The following LHFPL3 variants were observed in gnomAD, a reference collection of about 807,000 sequenced individuals.
LHFPL3 encodes the protein LHFPL tetraspan subfamily member 3 protein.
LHFPL3 carries 5 observed loss-of-function variants against 19.3 expected under a neutral mutation model. That is an observed-to-expected ratio of 0.26 (90% CI 0.14 to 0.54). LHFPL3 has a LOEUF of 0.54. Among genes scored for constraint, LHFPL3 ranks in the 20% least tolerant of loss-of-function variants. The pLI is 0.94. For missense variants in LHFPL3, 249 were observed against 307.4 expected, an observed-to-expected ratio of 0.81 and a Z score of 1.42; for synonymous variants, 133 against 126.2, an observed-to-expected ratio of 1.05 and a Z score of -0.36.
intron 1 of LHFPL3, among the ~76,000 whole-genome samples, chr7:104,644,160 A>G (rs1791886753): frequency 6.6e-6 from 1 of 152,238 alleles, no homozygotes; most frequent in Non-Finnish European, 1.5e-5. Flanking sequence ...TTACCAGACA[A>G]ATATTTCACT....
chr7:104,548,446 CAA>C (rs1275041874), intron 1 of LHFPL3, among the ~76,000 whole-genome samples: 1 of 152,064 alleles, frequency 6.6e-6, no homozygotes, highest in African/African-American at 2.4e-5. Context: ...AGATGATTTA[CAA>C]AGTTTATTTG....
At chr7:104,367,631 TA>T (rs1399174985) in intron 1 of LHFPL3, among the ~76,000 whole-genome samples, 1 of 152,192 alleles carries the variant, frequency 6.6e-6, no homozygotes, top group Admixed American at 6.5e-5. Flanking sequence ...AATATCAGCA[TA>T]GGGGGTATAT....
At chr7:104,734,392 A>G (rs2116293201) in intron 1 of LHFPL3, among the ~76,000 whole-genome samples, 1 of 152,298 alleles carries the variant, frequency 6.6e-6, no homozygotes, top group African/African-American at 2.4e-5. Flanking sequence ...ACATAGTCCC[A>G]TATTTCTTGG....
intron 1 of LHFPL3, among the ~76,000 whole-genome samples, chr7:104,503,266 T>TC (rs1793635743): frequency 2.0e-5 from 3 of 152,274 alleles, no homozygotes; most frequent in African/African-American, 7.2e-5. Flanking sequence ...AACAATGCTA[T>TC]CCCATTTTGG....
At chr7:104,473,536 T>C (rs908543801) in intron 1 of LHFPL3, among the ~76,000 whole-genome samples, 20 of 152,240 alleles carry the variant, frequency 1.3e-4, no homozygotes, top group African/African-American at 4.8e-4. Flanking sequence ...ACTTTGTGCC[T>C]ATCTATCCAT....
intron 2 of LHFPL3, among the ~76,000 whole-genome samples, chr7:104,739,226 T>C (rs1793886492): frequency 6.6e-6 from 1 of 152,206 alleles, no homozygotes; most frequent in Non-Finnish European, 1.5e-5. Context: ...TCCTGGGAAA[T>C]GGTACAAGAT....
chr7:104,542,951 A>C (rs1584391062), intron 1 of LHFPL3, among the ~76,000 whole-genome samples: 1 of 152,248 alleles, frequency 6.6e-6, no homozygotes, highest in South Asian at 2.1e-4. Context: ...GCACATATAC[A>C]CCATGGAATA....
chr7:104,667,843 C>T (rs1358098396), intron 1 of LHFPL3: 2 of 1,611,310 alleles, frequency 1.2e-6, no homozygotes, highest in African/African-American at 2.7e-5. Context: ...GGAGGAAGCA[C>T]CTATGTTTCC....
intron 1 of LHFPL3, among the ~76,000 whole-genome samples, chr7:104,532,228 T>A (rs773389669): frequency 2.0e-4 from 31 of 151,234 alleles, no homozygotes; most frequent in Non-Finnish European, 1.5e-4. Context: ...GCCATCCTCC[T>A]GCCTCAGCCT....
chr7:104,485,083 A>T (rs946956613), intron 1 of LHFPL3, among the ~76,000 whole-genome samples: 2 of 152,174 alleles, frequency 1.3e-5, no homozygotes, highest in Non-Finnish European at 2.9e-5. Context: ...TATATTGTTC[A>T]TATAGTTTTT....
intron 1 of LHFPL3, among the ~76,000 whole-genome samples, chr7:104,434,630 G>C (rs187006626): frequency 1.0e-3 from 153 of 152,204 alleles, no homozygotes; most frequent in South Asian, 1.7e-3. Flanking sequence ...ATTTTTTATT[G>C]AACTTGTAGA....
chr7:104,376,971 A>G (rs994961826), intron 1 of LHFPL3, among the ~76,000 whole-genome samples: 6 of 152,204 alleles, frequency 3.9e-5, no homozygotes, highest in Middle Eastern at 3.2e-3. Flanking sequence ...ATGATTTACA[A>G]TGAAGCTCAG....
At chr7:104,432,904 A>T (rs940583217) in intron 1 of LHFPL3, among the ~76,000 whole-genome samples, 1 of 152,060 alleles carries the variant, frequency 6.6e-6, no homozygotes, top group Non-Finnish European at 1.5e-5. Context: ...CTTGCCTGAG[A>T]TGTGAATGAC....
At chr7:104,492,995 C>A (rs1032190131) in intron 1 of LHFPL3, among the ~76,000 whole-genome samples, 1 of 152,172 alleles carries the variant, frequency 6.6e-6, no homozygotes, top group African/African-American at 2.4e-5. Context: ...ATCTTTCAAG[C>A]AATTCTCCTT....
intron 2 of LHFPL3, chr7:104,752,934 G>T: frequency 3.0e-6 from 1 of 332,202 alleles, no homozygotes; most frequent in Non-Finnish European, 5.4e-6. Flanking sequence ...GTGTGGTCCA[G>T]TTATTACAAC....
intron 1 of LHFPL3, among the ~76,000 whole-genome samples, chr7:104,456,908 T>C (rs1054302765): frequency 2.6e-5 from 4 of 152,150 alleles, no homozygotes; most frequent in African/African-American, 9.7e-5. Context: ...ATTTCTGGAA[T>C]TTTCTATTGA....
chr7:104,548,124 T>A (rs1304419534), intron 1 of LHFPL3, among the ~76,000 whole-genome samples: 3 of 152,204 alleles, frequency 2.0e-5, no homozygotes, highest in Non-Finnish European at 4.4e-5. Context: ...TTTTGTCTTA[T>A]GTTTAAACAA....
intron 1 of LHFPL3, among the ~76,000 whole-genome samples, chr7:104,430,447 T>C (rs1269301588): frequency 3.8e-4 from 9 of 23,824 alleles, no homozygotes; most frequent in South Asian, 1.4e-3. Flanking sequence ...TATATATATA[T>C]ATATATATTT....
chr7:104,497,711 G>A (rs1032543154), intron 1 of LHFPL3, among the ~76,000 whole-genome samples: 47 of 151,900 alleles, frequency 3.1e-4, no homozygotes, highest in African/African-American at 1.1e-3. Context: ...AGTCACTGCC[G>A]GGAACTTGCC....
Sources: gnomAD v4.1 joint callset for allele counts (sites outside exome capture counted in the v4.1 genomes callset) on GRCh38, gnomAD v4.1.1 for gene constraint, MANE v1.5 for transcripts, NCBI Gene and HGNC (gene_info 2026-07-23, HGNC 2026-07-21) for gene names.